RPAP2: variants seen among roughly 807,000 people sequenced by gnomAD.
The protein encoded by RPAP2 is putative RNA polymerase II subunit B1 CTD phosphatase RPAP2.
A neutral mutation model predicts 73.1 loss-of-function variants in RPAP2; 52 were observed. The observed-to-expected ratio is 0.71, with a 90% CI of 0.57 to 0.90. RPAP2 has a LOEUF of 0.90. RPAP2 is among the 40% of genes least tolerant of loss of function. The pLI, the probability that RPAP2 is intolerant of heterozygous loss-of-function variation, is 0.00. For missense variants in RPAP2, 598 were observed against 701.8 expected, an observed-to-expected ratio of 0.85 and a Z score of 1.67; for synonymous variants, 225 against 242.1, an observed-to-expected ratio of 0.93 and a Z score of 0.65.
intron 8 of RPAP2, among the ~76,000 whole-genome samples, chr1:92,332,016 C>T (rs1453427141): frequency 1.3e-5 from 2 of 151,810 alleles, no homozygotes; most frequent in African/African-American, 4.8e-5. Context: ...TGTTTTCTTC[C>T]TCTAGCTTCT....
At chr1:92,357,693 A>G (rs1483551616) in intron 11 of RPAP2, among the ~76,000 whole-genome samples, 1 of 152,104 alleles carries the variant, frequency 6.6e-6, no homozygotes, top group South Asian at 2.1e-4. Context: ...CACCACACCC[A>G]GCTAATTTTT....
chr1:92,396,349 T>A lies in RPAP2; in HGVS notation c.*9338T>A, dbSNP rs1232256381. 6.6e-6 allele frequency: 1 copy of A among 152,070 alleles called. No individual in the cohort carries two copies. The highest frequency in any genetic ancestry group is 2.4e-5 in the African/African-American group (1 of 41,402). 9.4% of individuals were successfully genotyped at this position (152,070 alleles called of 1,614,324 possible). On this transcript the variant is annotated 3_prime_UTR_variant, in exon 13 of 13. Transcript: ENST00000610020. ...ATACCCAGATTATTTCTTTTTCTTT[T>A]TTTTTTTAACTGGTGGATTTCTTTA... is the stretch of plus-strand genomic sequence containing the variant.
rs1350880653 is a variant in RPAP2, at chr1:92,375,041, G to GTTT, written c.1689-5681_1689-5680insTTT. Among the ~76,000 whole-genome samples, 3 of 152,116 alleles carry GTTT rather than the reference G, an allele frequency of 2.0e-5. No individual in the cohort carries two copies. The East Asian group carries it at 5.8e-4, about 29-fold the overall frequency. Reference sequence around the variant, plus strand: ...TCTGTGCTATTAAGTAATAAAGCATGTTAAATGAATCTGGAAAACATAAAG... The same window carrying GTTT: ...TCTGTGCTATTAAGTAATAAAGCATGTTTTTAAATGAATCTGGAAAACATAAAG... On this transcript the variant is annotated intron_variant, in intron 11 of 12. Transcript: ENST00000610020.
At chr1:92,320,852 C>G (rs1363215096) in intron 7 of RPAP2, among the ~76,000 whole-genome samples, 1 of 152,104 alleles carries the variant, frequency 6.6e-6, no homozygotes, top group Non-Finnish European at 1.5e-5. Flanking sequence ...ACAGCTGTTC[C>G]TCCCGAGGAA....
Position 92,401,408 on chromosome 1 carries a change from C to T in RPAP2, c.*14397C>T, listed in dbSNP as rs951215365. The stretch of plus-strand genomic sequence containing the variant: ...AATAAGGACCATTTTTAGGACAATA[C>T]TTTCCCTACTACTTAGTTCTAGTCC... On this transcript the variant is annotated 3_prime_UTR_variant, in exon 13 of 13. Coordinates refer to ENST00000610020, the MANE Select transcript of RPAP2 (RefSeq NM_024813.3). 1 of 152,196 alleles carries T rather than the reference C, an allele frequency of 6.6e-6. No homozygotes were observed. The highest frequency in any genetic ancestry group is 2.1e-4 in the South Asian group (1 of 4,834). The allele number at this position is 152,196 out of a possible 1,614,324, so 9.4% of individuals were successfully genotyped here. A position where few individuals can be genotyped will look rare whatever the true frequency, so the allele number is the denominator to read the frequency against.
In RPAP2 at chr1:92,393,898, C is replaced by T. The variant is rs1293544558; in HGVS notation, c.*6887C>T. ...TGGTGGGAGTGCAAATTAGTCCGAC[C>T]ATTGTGGAAGTCAGTGTGACGACTC... On this transcript the variant is annotated 3_prime_UTR_variant, in exon 13 of 13. Transcript: ENST00000610020. 1 of 152,158 alleles carries T rather than the reference C, an allele frequency of 6.6e-6. No homozygotes were observed. Among genetic ancestry groups the T allele is most frequent in the Non-Finnish European group, 1.5e-5 (1 of 68,014 alleles). 9.4% of individuals were successfully genotyped at this position (152,158 alleles called of 1,614,324 possible). A position where few individuals can be genotyped will look rare whatever the true frequency, so the allele number is the denominator to read the frequency against.
chr1:92,322,010 A>G (rs2101169425), intron 7 of RPAP2, among the ~76,000 whole-genome samples: 1 of 143,850 alleles, frequency 7.0e-6, no homozygotes, highest in East Asian at 2.1e-4. Context: ...CAGTGGCGCG[A>G]TCTCGGCTCA....
rs1656262323 is a variant in RPAP2 at position 92,399,453 on chromosome 1, T to TA, written c.*12444dup. On this transcript the variant is annotated 3_prime_UTR_variant, in exon 13 of 13. Transcript: ENST00000610020. ...AAATAAGAGCAATAAAATGAAGTTT[T>TA]AACAGTGAAAACTTCTATCACTTAG... The TA allele has an allele frequency of 6.6e-6, 1 of 152,180 alleles. No individual in the cohort carries two copies. The highest frequency in any genetic ancestry group is 1.5e-5 in the Non-Finnish European group (1 of 68,030). 9.4% of individuals were successfully genotyped at this position (152,180 alleles called of 1,614,324 possible). A position where few individuals can be genotyped will look rare whatever the true frequency, so the allele number is the denominator to read the frequency against.
intron 11 of RPAP2, among the ~76,000 whole-genome samples, chr1:92,360,362 TGC>T (rs960265389): frequency 3.3e-5 from 5 of 152,194 alleles, no homozygotes; most frequent in Non-Finnish European, 5.9e-5. Context: ...TTGCAAAGGC[TGC>T]TATAGTATTA....
At chr1:92,331,883 AAG>A in intron 8 of RPAP2, among the ~76,000 whole-genome samples, 1 of 152,244 alleles carries the variant, frequency 6.6e-6, no homozygotes, top group Middle Eastern at 3.4e-3. Context: ...TCACTTTTGA[AAG>A]ATATTTTTCT....
rs1463870569 is a variant in RPAP2, at chr1:92,307,268, A to G, written c.480A>G (p.Glu160=). 6.2e-7 allele frequency: 1 copy of G among 1,604,110 alleles called. No homozygotes were observed. Among genetic ancestry groups the G allele is most frequent in the Admixed American group, 1.7e-5 (1 of 59,138 alleles). The part of the protein sequence containing the change: ...QIPKTPVWVR[E]EERHPDFQLL... ...CCAAAACTCCAGTATGGGTTCGAGA[A>G]GAAGAGAGGTAATTTAAGTCATTGT... The change falls in exon 6 of 13, where the codon GAA becomes GAG. Residue 160 remains glutamate, a synonymous_variant. Transcript: ENST00000610020.
chr1:92,387,682 A>G lies in RPAP2; in HGVS notation c.*671A>G, dbSNP rs1655913745. On this transcript the variant is annotated 3_prime_UTR_variant, in exon 13 of 13. Transcript: ENST00000610020. Reference sequence around the variant, plus strand: ...GGAGCTTTACTGGAAGGCCAAGAAAATACTCTTGGACACTGGAGGAAATGA... The same window carrying G: ...GGAGCTTTACTGGAAGGCCAAGAAAGTACTCTTGGACACTGGAGGAAATGA... 6.6e-6 allele frequency: 1 copy of G among 152,202 alleles called. No homozygotes were observed. Among genetic ancestry groups the G allele is most frequent in the South Asian group, 2.1e-4 (1 of 4,828 alleles). 9.4% of individuals were successfully genotyped at this position (152,202 alleles called of 1,614,324 possible).
At chr1:92,376,132 G>T (rs1655379401) in intron 11 of RPAP2, among the ~76,000 whole-genome samples, 1 of 151,784 alleles carries the variant, frequency 6.6e-6, no homozygotes, top group Non-Finnish European at 1.5e-5. Flanking sequence ...CACTTACATA[G>T]TATTAGATGT....
Position 92,301,523 on chromosome 1 carries a change from G to A in RPAP2, c.167G>A (p.Arg56Lys), listed in dbSNP as rs769101752. Residue 56 changes from arginine (R) to lysine (K), a missense_variant, in exon 3 of 13, where the codon AGA becomes AAA. Around this residue, in one of 3 missense-constraint regions of RPAP2, gnomAD observed 506 missense variants for 612.8 expected, o/e 0.83. Coordinates refer to ENST00000610020, the MANE Select transcript of RPAP2 (RefSeq NM_024813.3). The stretch of plus-strand genomic sequence containing the variant: ...GTGAGAAAGAAGATTGAATTTGAGA[G>A]AAAAGCTCTACATATTGTTGAACAG... ...AAVRKKIEFE[R>K]KALHIVEQLL... 15 of 1,597,774 alleles carry A rather than the reference G, an allele frequency of 9.4e-6. No individual in the cohort carries two copies. In the East Asian group the frequency reaches 2.3e-4, roughly 24 times the overall value.
intron 12 of RPAP2, among the ~76,000 whole-genome samples, chr1:92,386,442 C>G (rs1009982713): frequency 6.6e-6 from 1 of 152,114 alleles, no homozygotes; most frequent in Non-Finnish European, 1.5e-5. Flanking sequence ...TGTGAGCTAA[C>G]GAAATCATTC....
At chr1:92,355,883 G>A (rs1397333788) in intron 11 of RPAP2, among the ~76,000 whole-genome samples, 1 of 152,076 alleles carries the variant, frequency 6.6e-6, no homozygotes, top group African/African-American at 2.4e-5. Flanking sequence ...CTGGTCCCAA[G>A]CATTTTAGAT....
chr1:92,380,851 A>G lies in RPAP2; in HGVS notation c.1816A>G (p.Arg606Gly), dbSNP rs1655596623. The change falls in exon 12 of 13, where the codon AGA (arginine) becomes GGA (glycine). Residue 606 changes from arginine to glycine, a missense_variant. By Grantham distance (125) the Arg-to-Gly change is moderately radical. Transcript: ENST00000610020. ...CCTTGAAAGTCTAACCATCATATTT[A>G]GAACCAGCTGTTTACCAGAGTGGTA... ...EDLESLTIIF[R>G]TSCLPE 6.3e-7 allele frequency: 1 copy of G among 1,588,020 alleles called. No homozygotes were observed. The highest frequency in any genetic ancestry group is 1.4e-5 in the African/African-American group (1 of 73,044).
chr1:92,379,937 T>C (rs1430977270), intron 11 of RPAP2, among the ~76,000 whole-genome samples: 1 of 143,990 alleles, frequency 6.9e-6, no homozygotes, highest in Non-Finnish European at 1.5e-5. Flanking sequence ...TCAAAAAATT[T>C]AAAAATAATA....
intron 4 of RPAP2, 26 bp downstream of exon 4, chr1:92,304,101 A>G (rs1472713317): frequency 2.2e-5 from 32 of 1,483,826 alleles, no homozygotes; most frequent in Non-Finnish European, 2.9e-5. Flanking sequence ...TTTTTAAAAT[A>G]TAGGCTTTTA....
Sources: allele counts gnomAD v4.1 joint callset (sites outside exome capture counted in the v4.1 genomes callset), GRCh38; gene constraint gnomAD v4.1.1; regional missense constraint gnomAD v4.1.1; transcripts MANE v1.5; gene names NCBI Gene and HGNC (gene_info 2026-07-23, HGNC 2026-07-21).